HCN1: variants seen among roughly 807,000 people sequenced by gnomAD.
The protein encoded by HCN1 is hyperpolarization activated cyclic nucleotide gated potassium channel 1, also known as potassium/sodium hyperpolarization-activated cyclic nucleotide-gated channel 1.
In HCN1, 13 loss-of-function variants were observed where a neutral mutation model predicts 78.9. That is an observed-to-expected ratio of 0.16 (90% CI 0.11 to 0.26). The LOEUF is 0.26. Among genes scored for constraint, HCN1 ranks in the 10% least tolerant of loss-of-function variants. HCN1 has a pLI of 1.00. For missense variants in HCN1, 810 were observed against 1,154.3 expected (o/e 0.70, Z 4.32); for synonymous variants, 552 against 455.5 (o/e 1.21, Z -2.70).
At chr5:45,348,277 G>A (rs939458470) in intron 5 of HCN1, among the ~76,000 whole-genome samples, 7 of 152,094 alleles carry the variant, frequency 4.6e-5, no homozygotes, top group Admixed American at 2.0e-4. Flanking sequence ...AGCTTCATAA[G>A]TGAAGGAGAA....
chr5:45,636,341 A>G (rs1745356340), intron 2 of HCN1, among the ~76,000 whole-genome samples: 2 of 152,216 alleles, frequency 1.3e-5, no homozygotes, highest in African/African-American at 4.8e-5. Flanking sequence ...TTCATAAACC[A>G]ATAGTATTAG....
At chr5:45,412,343 C>CT (rs1740039850) in intron 3 of HCN1, among the ~76,000 whole-genome samples, 1 of 151,974 alleles carries the variant, frequency 6.6e-6, no homozygotes, top group African/African-American at 2.4e-5. Context: ...CCAGGCTGGC[C>CT]TAGAAGAAGT....
chr5:45,416,362 A>T (rs2112061877), intron 3 of HCN1, among the ~76,000 whole-genome samples: 1 of 152,076 alleles, frequency 6.6e-6, no homozygotes, highest in Non-Finnish European at 1.5e-5. Context: ...CCTAGAGTTA[A>T]ATTTGGAAAT....
chr5:45,585,684 G>C (rs1744201499), intron 2 of HCN1, among the ~76,000 whole-genome samples: 1 of 152,092 alleles, frequency 6.6e-6, no homozygotes, highest in Non-Finnish European at 1.5e-5. Flanking sequence ...TCATGATGGT[G>C]ATGTACAGAT....
intron 4 of HCN1, among the ~76,000 whole-genome samples, chr5:45,388,490 T>A (rs983757463): frequency 6.6e-6 from 1 of 152,144 alleles, no homozygotes; most frequent in African/African-American, 2.4e-5. Context: ...GGTGCTGGTC[T>A]CTGGACCGGT....
At chr5:45,533,797 G>T (rs550342542) in intron 2 of HCN1, among the ~76,000 whole-genome samples, 2 of 152,134 alleles carry the variant, frequency 1.3e-5, no homozygotes, top group South Asian at 4.2e-4. Flanking sequence ...CTCAGGAAAG[G>T]GCTTTTTATG....
chr5:45,474,454 T>C (rs1009053194), intron 2 of HCN1, among the ~76,000 whole-genome samples: 1 of 151,786 alleles, frequency 6.6e-6, no homozygotes, highest in African/African-American at 2.4e-5. Flanking sequence ...CTCACTTGAG[T>C]TTTTTCAAAA....
intron 2 of HCN1, among the ~76,000 whole-genome samples, chr5:45,560,422 T>C (rs2111876830): frequency 6.6e-6 from 1 of 152,176 alleles, no homozygotes; most frequent in Non-Finnish European, 1.5e-5. Flanking sequence ...TTCTAAACGG[T>C]CATATTTCAT....
intron 3 of HCN1, among the ~76,000 whole-genome samples, chr5:45,421,382 C>T: frequency 6.6e-6 from 1 of 151,928 alleles, no homozygotes; most frequent in East Asian, 1.9e-4. Context: ...TTTTTAACAA[C>T]AAAAAAACTA....
chr5:45,292,808 A>G (rs1289605093), intron 6 of HCN1, among the ~76,000 whole-genome samples: 1 of 152,012 alleles, frequency 6.6e-6, no homozygotes, highest in Non-Finnish European at 1.5e-5. Flanking sequence ...CCATTCATCC[A>G]TCATTCTTCT....
chr5:45,464,763 A>C (rs1376879281), intron 2 of HCN1, among the ~76,000 whole-genome samples: 1 of 152,132 alleles, frequency 6.6e-6, no homozygotes, highest in Non-Finnish European at 1.5e-5. Context: ...TCTGGCAGGC[A>C]TAATCATTAC....
intron 4 of HCN1, among the ~76,000 whole-genome samples, chr5:45,382,951 G>A (rs1308314310): frequency 6.6e-6 from 1 of 152,028 alleles, no homozygotes; most frequent in Non-Finnish European, 1.5e-5. Context: ...GAAAACTTTG[G>A]ATCTTGTTTT....
intron 3 of HCN1, among the ~76,000 whole-genome samples, chr5:45,429,396 A>G (rs1000098831): frequency 5.3e-5 from 8 of 152,106 alleles, no homozygotes; most frequent in Non-Finnish European, 8.8e-5. Context: ...TCCAATATAT[A>G]TCCCTTACTC....
At chr5:45,285,586 G>T (rs535770187) in intron 6 of HCN1, among the ~76,000 whole-genome samples, 1 of 151,740 alleles carries the variant, frequency 6.6e-6, no homozygotes, top group South Asian at 2.1e-4. Context: ...TTATATTTTG[G>T]CATCTTATTC....
intron 2 of HCN1, among the ~76,000 whole-genome samples, chr5:45,463,766 T>C (rs1319399687): frequency 6.6e-6 from 1 of 152,082 alleles, no homozygotes; most frequent in Admixed American, 6.6e-5. Context: ...AGTTTTTTTG[T>C]TGTTGTTTAG....
At chr5:45,661,014 C>T (rs1745924160) in intron 1 of HCN1, among the ~76,000 whole-genome samples, 1 of 96,636 alleles carries the variant, frequency 1.0e-5, no homozygotes, top group Non-Finnish European at 2.0e-5. Flanking sequence ...TTTTTCAGCA[C>T]CACACCACAC....
intron 6 of HCN1, among the ~76,000 whole-genome samples, chr5:45,273,147 G>T (rs566153720): frequency 6.6e-6 from 1 of 151,668 alleles, no homozygotes; most frequent in Non-Finnish European, 1.5e-5. Context: ...ATTTTAATTC[G>T]GTAGAATTTT....
intron 5 of HCN1, among the ~76,000 whole-genome samples, chr5:45,349,867 T>C (rs1484741479): frequency 6.6e-6 from 1 of 152,120 alleles, no homozygotes; most frequent in Non-Finnish European, 1.5e-5. Context: ...GGCTCTGAAA[T>C]TGTGGCAATA....
At chr5:45,681,936 G>A (rs1739708619) in intron 1 of HCN1, among the ~76,000 whole-genome samples, 1 of 152,080 alleles carries the variant, frequency 6.6e-6, no homozygotes, top group African/African-American at 2.4e-5. Flanking sequence ...AAATTCATGT[G>A]TTGAAGTCCT....
Sources: gnomAD v4.1 joint callset for allele counts (sites outside exome capture counted in the v4.1 genomes callset) on GRCh38, gnomAD v4.1.1 for gene constraint, MANE v1.5 for transcripts, NCBI Gene and HGNC (gene_info 2026-07-23, HGNC 2026-07-21) for gene names.